RTEL1: variants seen among roughly 807,000 people sequenced by gnomAD.
RTEL1 encodes regulator of telomere elongation helicase 1, also known as regulator of telomere length.
Under a neutral mutation model 162.2 loss-of-function variants are expected in RTEL1, and 86 were observed. The observed-to-expected ratio is 0.53, with a 90% CI of 0.45 to 0.63. The LOEUF (loss-of-function observed/expected upper bound fraction) is 0.63, where lower values mean the gene tolerates loss of function less well. Among genes scored for constraint, RTEL1 ranks in the 30% least tolerant of loss-of-function variants. RTEL1 has a pLI of 0.00. For missense variants in RTEL1, 1,941 were observed against 1,750.2 expected, an observed-to-expected ratio of 1.11 and a Z score of -1.95; for synonymous variants, 958 against 717.9, an observed-to-expected ratio of 1.33 and a Z score of -5.35.
intron 8 of RTEL1, among the ~76,000 whole-genome samples, chr20:63,667,846 G>A (rs989999044): frequency 6.6e-6 from 1 of 152,180 alleles, no homozygotes; most frequent in East Asian, 1.9e-4. Context: ...TGACAGCTCA[G>A]GTTCTCTCCT....
chr20:63,676,803 T>G (rs3787097), intron 10 of RTEL1, among the ~76,000 whole-genome samples: 156 of 151,774 alleles, frequency 1.0e-3, no homozygotes, highest in Middle Eastern at 3.4e-3. Flanking sequence ...GGTGTGGTGG[T>G]GCATGCTTGT....
At position 63,687,727 on chromosome 20, in the gene RTEL1, G is replaced by A; in HGVS notation, c.1438G>A (p.Gly480Ser). 1 of 1,595,422 alleles carries A rather than the reference G, an allele frequency of 6.3e-7. No individual in the cohort carries two copies. The highest frequency in any genetic ancestry group is 8.5e-7 in the Non-Finnish European group (1 of 1,172,610). Reference sequence around the variant, plus strand: ...CGTCCGCTCCCTCATCCTTACCAGCGGCACGCTGGCCCCGGTGTCCTCCTT... The same window carrying A: ...CGTCCGCTCCCTCATCCTTACCAGCAGCACGCTGGCCCCGGTGTCCTCCTT... ...QGVRSLILTS[G>S]TLAPVSSFAL... is the part of the protein sequence containing the mutation. Residue 480 changes from glycine to serine, a missense_variant, in exon 17 of 35, where the codon GGC becomes AGC. Coordinates refer to ENST00000360203, the MANE Select transcript of RTEL1 (RefSeq NM_001283009.2).
intron 2 of RTEL1, among the ~76,000 whole-genome samples, chr20:63,660,206 C>G (rs1049177820): frequency 1.3e-5 from 2 of 152,260 alleles, no homozygotes; most frequent in African/African-American, 2.4e-5. Flanking sequence ...TGGCCTTCCT[C>G]TATCTCGACT....
At chr20:63,677,684 A>G (rs1421146515) in intron 10 of RTEL1, among the ~76,000 whole-genome samples, 4 of 152,122 alleles carry the variant, frequency 2.6e-5, no homozygotes, top group Admixed American at 2.0e-4. Flanking sequence ...TGGCCTGTGT[A>G]GCCTCTTCCT....
rs1048267429 is a variant in RTEL1, at chr20:63,677,722, G to A, written c.920-423G>A. On this transcript the variant is annotated intron_variant, in intron 10 of 34. Transcript: ENST00000360203. ...GCCTGTTGGTGGATTTGGCCTGCAC[G>A]GATTCTGTGTGGCCTCTTCCTTCCC... Among the ~76,000 whole-genome samples, 20 of 151,702 alleles carry A rather than the reference G, an allele frequency of 1.3e-4. No homozygotes were observed. In the East Asian group the frequency reaches 1.7e-3, roughly 13 times the overall value.
At chr20:63,685,641 C>T (rs1256994183) in intron 15 of RTEL1, 44 bp downstream of exon 15, 3 of 1,596,712 alleles carry the variant, frequency 1.9e-6, no homozygotes, top group African/African-American at 2.7e-5. Flanking sequence ...AGCCCTTGTT[C>T]CCCGGCAGGG....
At chr20:63,676,366 A>G (rs2090349312) in intron 10 of RTEL1, among the ~76,000 whole-genome samples, 1 of 152,192 alleles carries the variant, frequency 6.6e-6, no homozygotes, top group African/African-American at 2.4e-5. Flanking sequence ...CTCTGAACTT[A>G]GGTGGCTTGA....
At position 63,668,659 on chromosome 20, in the gene RTEL1, T is replaced by C. The variant is rs552312667; in HGVS notation, c.699+1106T>C. Among the ~76,000 whole-genome samples the C allele has an allele frequency of 1.4e-3, 207 of 151,710 alleles. No individual in the cohort carries two copies. Among genetic ancestry groups the C allele is most frequent in the Non-Finnish European group, 2.0e-3 (133 of 67,862 alleles). On this transcript the variant is annotated intron_variant, in intron 8 of 34. Transcript: ENST00000360203. This position sits in a 1 kb window ranked among gnomAD's most constrained non-coding sequence, Gnocchi z 4.3. ...GCTGTAGCAGAACCCCACAGAGAGC[T>C]GGTGAGGTTTGCCGTGGTTGTGGGT... is the stretch of plus-strand genomic sequence containing the variant.
rs16983884 is a variant in RTEL1 at position 63,689,321 on chromosome 20, C to T, written c.1879-181C>T. Among the ~76,000 whole-genome samples the T allele has an allele frequency of 0.1, 15,566 of 152,208 alleles. 971 individuals carry two copies. Among genetic ancestry groups the T allele is most frequent in the South Asian group, 0.26 (1,236 of 4,822 alleles). ...GGCAGGCAGGATGGGAGTTTCCTGG[C>T]CACAAGAGTTGGAGGTGGCGTCTGG... is the stretch of plus-strand genomic sequence containing the variant. On this transcript the variant is annotated intron_variant, in intron 22 of 34. Transcript: ENST00000360203.
At chr20:63,693,409 G>A (rs1460726510) in intron 30 of RTEL1, 126 bp downstream of exon 30, 5 of 1,133,488 alleles carry the variant, frequency 4.4e-6, no homozygotes, top group South Asian at 2.8e-5. Flanking sequence ...TCCCCTATGG[G>A]AGTGATGGGG....
At position 63,662,387 on chromosome 20, in the gene RTEL1, G is replaced by A. The variant is rs568064767; in HGVS notation, c.396-159G>A. 62 of 1,470,158 alleles carry A rather than the reference G, an allele frequency of 4.2e-5. No homozygotes were observed. The African/African-American group carries it at 6.7e-4, about 16-fold the overall frequency. The allele number at this position is 1,470,158 out of a possible 1,614,324, so 91.1% of individuals were successfully genotyped here. A position where few individuals can be genotyped will look rare whatever the true frequency, so the allele number is the denominator to read the frequency against. ...CTCCCTCTGTCCAGTACCCCCGCTC[G>A]TCTTCTAGCTCCCTCCTACGCCCGG... On this transcript the variant is annotated intron_variant, in intron 4 of 34. Transcript: ENST00000360203.
intron 6 of RTEL1, 34 bp from the exon 7 acceptor site, chr20:63,665,970 A>G: frequency 6.2e-7 from 1 of 1,601,628 alleles, no homozygotes; most frequent in Non-Finnish European, 8.6e-7. Flanking sequence ...GTGGACCCTG[A>G]GGGTGTGTGT....
intron 26 of RTEL1, 62 bp downstream of exon 26, chr20:63,690,503 G>GGGGGGGGGGC: frequency 2.9e-6 from 3 of 1,028,420 alleles, no homozygotes; most frequent in Non-Finnish European, 4.2e-6. Flanking sequence ...CGTGGGGCGG[G>GGGGGGGGGGC]CAGCACCAGG....
intron 14 of RTEL1, among the ~76,000 whole-genome samples, chr20:63,684,044 T>C (rs1601151069): frequency 1.7e-5 from 1 of 58,900 alleles, no homozygotes; most frequent in South Asian, 4.5e-4. Flanking sequence ...AACACATGTT[T>C]CCTTGTCAGA....
chr20:63,685,140 A>G (rs2090563244), intron 14 of RTEL1, among the ~76,000 whole-genome samples: 1 of 142,768 alleles, frequency 7.0e-6, no homozygotes, highest in East Asian at 2.1e-4. Flanking sequence ...TGCTCCTCTC[A>G]GCCTCCCGGA....
In RTEL1 at chr20:63,693,262, C is replaced by T. The variant is rs560165598; in HGVS notation, c.2971C>T (p.Gln991Ter). ...EHSIPRRQRA[Q>*]PVLDPTGRTA... ...CAGCATTCCCCGAAGGCAGCGGGCA[C>T]AGCCGGTCCTGGACCCCACTGGTAA... is the stretch of plus-strand genomic sequence containing the variant. Residue 991 changes from glutamine to a stop codon, truncating the protein, a stop_gained, in exon 30 of 35, where the codon CAG becomes TAG. Coordinates refer to ENST00000360203, the MANE Select transcript of RTEL1 (RefSeq NM_001283009.2). LOFTEE classifies it high-confidence loss of function. 2 of 1,611,890 alleles carry T rather than the reference C, an allele frequency of 1.2e-6. No individual in the cohort carries two copies. The highest frequency in any genetic ancestry group is 1.7e-6 in the Non-Finnish European group (2 of 1,179,428).
chr20:63,689,108 C>G lies in RTEL1; in HGVS notation c.1854C>G (p.Thr618=). 6.2e-7 allele frequency: 1 copy of G among 1,610,254 alleles called. No individual in the cohort carries two copies. Among genetic ancestry groups the G allele is most frequent in the Non-Finnish European group, 8.5e-7 (1 of 1,179,898 alleles). ...RVAAPGSTGA[T]FLAVCRGKAS... is the part of the protein sequence containing the mutation. Reference sequence around the variant, plus strand: ...CCGCCCCTGGGTCCACCGGCGCCACCTTCCTGGCGGTCTGCCGGGGCAAGG... The same window carrying G: ...CCGCCCCTGGGTCCACCGGCGCCACGTTCCTGGCGGTCTGCCGGGGCAAGG... Residue 618 remains threonine (T), a synonymous_variant, in exon 22 of 35, where the codon ACC becomes ACG. Transcript: ENST00000360203.
Position 63,685,431 on chromosome 20 carries a change from GT to G in RTEL1, c.1192-91del, listed in dbSNP as rs2090570836. 6.9e-6 allele frequency: 9 copies of G among 1,306,712 alleles called. No individual in the cohort carries two copies. The Admixed American group carries it at 1.9e-4, about 27-fold the overall frequency. 80.9% of individuals were successfully genotyped at this position (1,306,712 alleles called of 1,614,324 possible). A position where few individuals can be genotyped will look rare whatever the true frequency, so the allele number is the denominator to read the frequency against. On this transcript the variant is annotated intron_variant, in intron 14 of 34. Transcript: ENST00000360203. ...GGGCCGGTGAACCGATGACCCCTGG[GT>G]GTCCTGTGACCTTCTGTGTATGCGG... is the stretch of plus-strand genomic sequence containing the variant.
intron 9 of RTEL1, among the ~76,000 whole-genome samples, chr20:63,673,348 C>A (rs1293184685): frequency 6.6e-6 from 1 of 152,220 alleles, no homozygotes; most frequent in South Asian, 2.1e-4. Context: ...GAGCCAAGAT[C>A]ACACCACTGT....
Sources: allele counts gnomAD v4.1 joint callset (sites outside exome capture counted in the v4.1 genomes callset), GRCh38; gene constraint gnomAD v4.1.1; non-coding constraint Gnocchi (gnomAD v3.1); transcripts MANE v1.5; gene names NCBI Gene and HGNC (gene_info 2026-07-23, HGNC 2026-07-21).